SLC12A3: variants seen among roughly 807,000 people sequenced by gnomAD.
The protein encoded by SLC12A3 is solute carrier family 12 member 3.
In SLC12A3, 104 loss-of-function variants were observed where a neutral mutation model predicts 121.0. That is an observed-to-expected ratio of 0.86 (90% confidence interval 0.73 to 1.01). The LOEUF (loss-of-function observed/expected upper bound fraction) is 1.01, where lower values mean the gene tolerates loss of function less well. Ranked by LOEUF, SLC12A3 falls within the 50% of genes least tolerant of loss-of-function variation. SLC12A3 has a pLI of 0.00. For synonymous variants in SLC12A3, 536 were observed against 533.4 expected (o/e 1.00, Z -0.07); for missense variants, 1,328 against 1,356.3 (o/e 0.98, Z 0.33).
At chr16:56,873,903 G>C (rs892316036) in intron 8 of SLC12A3, among the ~76,000 whole-genome samples, 1 of 144,272 alleles carries the variant, frequency 6.9e-6, no homozygotes, top group South Asian at 2.2e-4. Flanking sequence ...GTAGAGACAG[G>C]GTTTCGCCAT....
At chr16:56,904,296 A>C (rs770468857) in intron 24 of SLC12A3, 99 bp from the exon 25 acceptor site, 1 of 1,120,454 alleles carries the variant, frequency 8.9e-7, no homozygotes, top group Non-Finnish European at 1.4e-6. Context: ...CAAGTAAATC[A>C]TGAATCCAGT....
intron 23 of SLC12A3, among the ~76,000 whole-genome samples, chr16:56,900,575 G>T (rs1410534353): frequency 1.4e-5 from 2 of 147,048 alleles, no homozygotes; most frequent in African/African-American, 5.2e-5. Flanking sequence ...CTGTCACCCA[G>T]GCTGGAGTGC....
chr16:56,881,470 A>C (rs1468189944), intron 12 of SLC12A3, among the ~76,000 whole-genome samples: 1 of 151,968 alleles, frequency 6.6e-6, no homozygotes, highest in Non-Finnish European at 1.5e-5. Flanking sequence ...TTGACTTCAG[A>C]CTGAGGACCA....
chr16:56,880,379 T>C, intron 12 of SLC12A3, 126 bp downstream of exon 12: 1 of 1,194,866 alleles, frequency 8.4e-7, no homozygotes, highest in Non-Finnish European at 1.2e-6. Flanking sequence ...TAGTGGGCAC[T>C]AAGAGGCTAA....
rs746683501 is a variant in SLC12A3, at chr16:56,879,187, A to G, written c.1295A>G (p.Gln432Arg). The G allele has an allele frequency of 1.2e-6, 2 of 1,613,186 alleles. No individual in the cohort carries two copies. The highest frequency in any genetic ancestry group is 3.3e-5 in the Admixed American group (2 of 60,028). Reference protein sequence around the residue: ...SYGWNFTECTQQHSCHYGLIN... With the variant: ...SYGWNFTECTRQHSCHYGLIN... Reference sequence around the variant, plus strand: ...GGCTGGAACTTCACCGAGTGCACCCAGCAGCACAGCTGCCACTACGGCCTC... The same window carrying G: ...GGCTGGAACTTCACCGAGTGCACCCGGCAGCACAGCTGCCACTACGGCCTC... The change falls in exon 10 of 26, where the codon CAG becomes CGG. Residue 432 changes from glutamine (Q) to arginine (R), a missense_variant. Transcript: ENST00000563236.
chr16:56,890,442 A>T, intron 19 of SLC12A3, 86 bp downstream of exon 19: 1 of 1,104,692 alleles, frequency 9.1e-7, no homozygotes, highest in Non-Finnish European at 1.4e-6. Flanking sequence ...AGTAAGAAAT[A>T]AAAGGTTACA....
chr16:56,870,249 G>A lies in SLC12A3; in HGVS notation c.741+14G>A, dbSNP rs369802273. On this transcript the variant is annotated intron_variant, in intron 5 of 25. Transcript: ENST00000563236. ...GACCTGCTCCAGGTGAGGCCGGGGG[G>A]CTGGACCCTGGGTAGAGGGATCCGG... is the stretch of plus-strand genomic sequence containing the variant. The A allele has an allele frequency of 5.6e-6, 9 of 1,611,172 alleles. No homozygotes were observed. The highest frequency in any genetic ancestry group is 2.2e-5 in the East Asian group (1 of 44,884).
chr16:56,883,526 CG>C (rs2055269625), intron 13 of SLC12A3, among the ~76,000 whole-genome samples: 1 of 152,044 alleles, frequency 6.6e-6, no homozygotes, highest in Non-Finnish European at 1.5e-5. Context: ...ATGATCCGCC[CG>C]CCTCAGCCTC....
intron 15 of SLC12A3, 133 bp downstream of exon 15, chr16:56,885,497 A>G (rs2055298839): frequency 8.4e-6 from 6 of 712,566 alleles, no homozygotes; most frequent in Admixed American, 8.1e-5. Flanking sequence ...CAGAGAGGGA[A>G]CAGACATGGA....
intron 23 of SLC12A3, among the ~76,000 whole-genome samples, chr16:56,899,828 G>A (rs1379778798): frequency 6.6e-6 from 1 of 152,250 alleles, no homozygotes; most frequent in African/African-American, 2.4e-5. Context: ...CAAGGCGGCT[G>A]CAGCCCCTGA....
rs1451318386 is a variant in SLC12A3 at position 56,865,455 on chromosome 16, A to G, written c.220A>G (p.Thr74Ala). ...CACATATGAGCACTATGCCAACAGC[A>G]CCCAGCCTGGTGAGCCCCGGAAGGT... ...VPTYEHYANS[T>A]QPGEPRKVRP... The change falls in exon 1 of 26, where the codon ACC becomes GCC. Residue 74 changes from threonine (T) to alanine (A), a missense_variant. Physicochemically the swap from Thr to Ala is moderately conservative, Grantham distance 58. Transcript: ENST00000563236. 2 of 1,614,048 alleles carry G rather than the reference A, an allele frequency of 1.2e-6. No individual in the cohort carries two copies. Among genetic ancestry groups the G allele is most frequent in the Non-Finnish European group, 1.7e-6 (2 of 1,180,028 alleles).
rs9922270 is a variant in SLC12A3, at chr16:56,899,403, T to C, written c.2634-127T>C. Reference sequence around the variant, plus strand: ...ACTCGGGAGGCTGGGGCATGAGAATTGCTTGAACCTGGGAGGCAGAGGTTG... The same window carrying C: ...ACTCGGGAGGCTGGGGCATGAGAATCGCTTGAACCTGGGAGGCAGAGGTTG... On this transcript the variant is annotated intron_variant, in intron 22 of 25. Transcript: ENST00000563236. The C allele has an allele frequency of 0.96, 706,739 of 737,012 alleles. 339,060 individuals carry two copies. The highest frequency in any genetic ancestry group is 1 in the East Asian group (37,131 of 37,134). The allele number at this position is 737,012 out of a possible 1,614,324, so 45.7% of individuals were successfully genotyped here. A position where few individuals can be genotyped will look rare whatever the true frequency, so the allele number is the denominator to read the frequency against.
intron 3 of SLC12A3, among the ~76,000 whole-genome samples, chr16:56,868,601 G>T (rs1323032408): frequency 6.6e-6 from 1 of 152,230 alleles, no homozygotes; most frequent in Non-Finnish European, 1.5e-5. Context: ...AGGCCTAAGG[G>T]CTATTTGCCC....
At chr16:56,898,349 C>T (rs1380337206) in intron 22 of SLC12A3, among the ~76,000 whole-genome samples, 2 of 152,138 alleles carry the variant, frequency 1.3e-5, no homozygotes, top group Non-Finnish European at 1.5e-5. Flanking sequence ...AGCTCCACCT[C>T]CCAGGTTCAC....
Position 56,865,265 on chromosome 16 carries a change from T to C in SLC12A3, c.30T>C (p.Pro10=), listed in dbSNP as rs1401034070. Residue 10 remains proline, a synonymous_variant, in exon 1 of 26, where the codon CCT becomes CCC. Transcript: ENST00000563236. Reference sequence around the variant, plus strand: ...CAGAACTGCCCACAACAGAGACGCCTGGGGACGCCACTTTGTGCAGCGGGC... The same window carrying C: ...CAGAACTGCCCACAACAGAGACGCCCGGGGACGCCACTTTGTGCAGCGGGC... MAELPTTET[P]GDATLCSGRF... The C allele has an allele frequency of 6.2e-7, 1 of 1,613,858 alleles. No homozygotes were observed. The highest frequency in any genetic ancestry group is 8.5e-7 in the Non-Finnish European group (1 of 1,180,044).
At chr16:56,909,348 CT>C (rs1275175841) in intron 25 of SLC12A3, among the ~76,000 whole-genome samples, 8 of 151,648 alleles carry the variant, frequency 5.3e-5, no homozygotes, top group African/African-American at 1.9e-4. Context: ...CTCTCAGTCT[CT>C]TAAGCCATAA....
intron 25 of SLC12A3, among the ~76,000 whole-genome samples, chr16:56,910,791 T>C (rs1345836999): frequency 1.3e-5 from 2 of 152,252 alleles, no homozygotes; most frequent in East Asian, 3.8e-4. Context: ...GGGCTGTCTT[T>C]CACATCTAGG....
intron 22 of SLC12A3, among the ~76,000 whole-genome samples, chr16:56,896,520 G>A (rs2055464078): frequency 6.6e-6 from 1 of 152,196 alleles, no homozygotes; most frequent in African/African-American, 2.4e-5. Flanking sequence ...GGCCAAGGCA[G>A]GGGATTGCTT....
chr16:56,867,073 G>T lies in SLC12A3; in HGVS notation c.286G>T (p.Glu96Ter). 1 of 1,612,730 alleles carries T rather than the reference G, an allele frequency of 6.2e-7. No homozygotes were observed. Among genetic ancestry groups the T allele is most frequent in the Non-Finnish European group, 8.5e-7 (1 of 1,180,026 alleles). Reference sequence around the variant, plus strand: ...CTTGTGGTCTCTGGGCTGCCAGCAGGAAGGCAGACACCTGCATGCCCTGGC... The same window carrying T: ...CTTGTGGTCTCTGGGCTGCCAGCAGTAAGGCAGACACCTGCATGCCCTGGC... ...LADLHSFLKQEGRHLHALAFD... is the reference protein window; with the variant it reads ...LADLHSFLKQ Residue 96 changes from glutamate (E) to a stop codon, truncating the protein, a stop_gained, in exon 2 of 26, where the codon GAA becomes TAA. Transcript: ENST00000563236. LOFTEE classifies it high-confidence loss of function.
Sources: gnomAD v4.1 joint callset for allele counts (sites outside exome capture counted in the v4.1 genomes callset) on GRCh38, gnomAD v4.1.1 for gene constraint, MANE v1.5 for transcripts, NCBI Gene and HGNC (gene_info 2026-07-23, HGNC 2026-07-21) for gene names.